TG: variants seen among roughly 807,000 people sequenced by gnomAD.
TG encodes thyroglobulin.
TG carries 270 observed loss-of-function variants against 324.7 expected under a neutral mutation model. The observed-to-expected ratio is 0.83, with a 90% confidence interval of 0.75 to 0.92. TG has a LOEUF of 0.92. Ranked by LOEUF, TG falls within the 40% of genes least tolerant of loss-of-function variation. The probability of loss-of-function intolerance (pLI) is 0.00; values close to 1 mark genes in which losing one functional copy is unlikely to be tolerated. For synonymous variants in TG, 1,401 were observed against 1,327.0 expected (o/e 1.06, Z -1.21); for missense variants, 3,591 against 3,456.4 (o/e 1.04, Z -0.98).
intron 35 of TG, among the ~76,000 whole-genome samples, chr8:133,007,411 C>T (rs915575284): frequency 1.9e-4 from 28 of 151,188 alleles, no homozygotes; most frequent in South Asian, 2.1e-4. Context: ...TTTTTGTGCC[C>T]GTTAAAGTCT....
intron 43 of TG, among the ~76,000 whole-genome samples, chr8:133,105,945 AGAGGCTATAGGACAGTTG>A (rs1849764976): frequency 6.6e-6 from 1 of 152,132 alleles, no homozygotes; most frequent in African/African-American, 2.4e-5. Flanking sequence ...CATATGGTAA[AGAGGCTATAGGACAGTTG>A]GAGCCCACCA....
intron 32 of TG, among the ~76,000 whole-genome samples, chr8:132,969,808 G>A (rs1299514450): frequency 1.3e-5 from 2 of 150,924 alleles, no homozygotes; most frequent in African/African-American, 2.4e-5. Flanking sequence ...CAGTTACTCA[G>A]GAGGCTGAGG....
At chr8:133,075,454 GA>G (rs1844722311) in intron 41 of TG, among the ~76,000 whole-genome samples, 2 of 152,034 alleles carry the variant, frequency 1.3e-5, no homozygotes, top group South Asian at 4.1e-4. Context: ...TGCGTCAAGG[GA>G]AAAAAACTAG....
chr8:132,989,116 G>A (rs1831986842), intron 35 of TG, among the ~76,000 whole-genome samples: 1 of 152,160 alleles, frequency 6.6e-6, no homozygotes, highest in Non-Finnish European at 1.5e-5. Context: ...GCCGTCAGAT[G>A]TCCTGAGACT....
chr8:133,009,310 A>G (rs909284724), intron 35 of TG, among the ~76,000 whole-genome samples: 1 of 152,120 alleles, frequency 6.6e-6, no homozygotes, highest in Non-Finnish European at 1.5e-5. Context: ...TGACCATGAA[A>G]ATAGCAACAT....
chr8:132,948,505 T>A (rs548479687), intron 26 of TG, among the ~76,000 whole-genome samples: 1 of 152,238 alleles, frequency 6.6e-6, no homozygotes, highest in East Asian at 1.9e-4. Flanking sequence ...GTCAGTGCTA[T>A]GGATGCCATG....
chr8:132,918,406 T>C (rs952329642), intron 20 of TG, among the ~76,000 whole-genome samples: 18 of 152,194 alleles, frequency 1.2e-4, no homozygotes, highest in Non-Finnish European at 4.4e-5. Context: ...ACTTGACTCA[T>C]AGAAGTAATG....
intron 44 of TG, 91 bp from the exon 45 acceptor site, chr8:133,116,517 AG>A (rs965671968): frequency 1.1e-4 from 135 of 1,201,054 alleles, no homozygotes; most frequent in Non-Finnish European, 1.6e-4. Context: ...TTGGGGGCCC[AG>A]GGGGCCCCTT....
Position 133,110,295 on chromosome 8 carries a change from G to A in TG, c.7573-3127G>A, listed in dbSNP as rs563427577. 5.9e-5 allele frequency among the ~76,000 whole-genome samples: 9 copies of A among 152,230 alleles called. No homozygotes were observed. In the South Asian group the frequency reaches 1.0e-3, roughly 18 times the overall value. ...CATCTGTGAGCAGTACTTGGCCCTC[G>A]AATTTGGCACCTTCTGCCTTCCCCA... On this transcript the variant is annotated intron_variant, in intron 43 of 47. Coordinates refer to ENST00000220616, the MANE Select transcript of TG (RefSeq NM_003235.5).
chr8:133,117,345 C>T (rs975672653), intron 45 of TG, among the ~76,000 whole-genome samples: 18 of 152,124 alleles, frequency 1.2e-4, no homozygotes, highest in South Asian at 6.2e-4. Flanking sequence ...AATAGCTGAA[C>T]AAAGGAAGCA....
intron 38 of TG, 96 bp downstream of exon 38, chr8:133,018,093 T>C (rs1424085527): frequency 8.2e-7 from 1 of 1,218,604 alleles, no homozygotes; most frequent in South Asian, 1.3e-5. Context: ...GCAGTGCATT[T>C]TGGATAAAGC....
intron 20 of TG, among the ~76,000 whole-genome samples, chr8:132,914,403 A>G (rs922660350): frequency 6.6e-6 from 1 of 152,210 alleles, no homozygotes; most frequent in African/African-American, 2.4e-5. Context: ...TAAAAGCCAA[A>G]TGGCCTTTCC....
intron 41 of TG, among the ~76,000 whole-genome samples, chr8:133,078,120 G>A (rs1199749029): frequency 6.6e-6 from 1 of 152,194 alleles, no homozygotes; most frequent in Non-Finnish European, 1.5e-5. Context: ...CTGCTGTGTA[G>A]CAAGGCTCCT....
At position 132,900,448 on chromosome 8, in the gene TG, G is replaced by A. The variant is rs1391425349; in HGVS notation, c.3433+109G>A. On this transcript the variant is annotated intron_variant, in intron 15 of 47. Coordinates refer to ENST00000220616, the MANE Select transcript of TG (RefSeq NM_003235.5). ...CCAGCTCTACTGCTTCCATAGCTGT[G>A]GGGGCACAGCTGCTGACCTCACTAT... 8 of 1,033,968 alleles carry A rather than the reference G, an allele frequency of 7.7e-6. No individual in the cohort carries two copies. In the African/African-American group the frequency reaches 9.5e-5, roughly 12 times the overall value. The allele number at this position is 1,033,968 out of a possible 1,614,324, so 64.0% of individuals were successfully genotyped here. A position where few individuals can be genotyped will look rare whatever the true frequency, so the allele number is the denominator to read the frequency against.
chr8:132,883,797 A>T (rs531584938), intron 8 of TG, among the ~76,000 whole-genome samples: 3 of 152,258 alleles, frequency 2.0e-5, no homozygotes, highest in Admixed American at 6.5e-5. Context: ...TCCAGAGCTG[A>T]TGGAGTCTGT....
At chr8:132,985,981 T>C (rs1170681818) in intron 35 of TG, among the ~76,000 whole-genome samples, 1 of 152,174 alleles carries the variant, frequency 6.6e-6, no homozygotes, top group African/African-American at 2.4e-5. Context: ...AAGGGCAGTA[T>C]TTAATTCAAA....
intron 18 of TG, among the ~76,000 whole-genome samples, chr8:132,909,677 T>C (rs1819226786): frequency 6.6e-6 from 1 of 152,228 alleles, no homozygotes; most frequent in African/African-American, 2.4e-5. Context: ...CTCCTACCAG[T>C]GTGACCTGGG....
intron 27 of TG, among the ~76,000 whole-genome samples, chr8:132,954,666 C>G (rs1006912005): frequency 2.6e-5 from 4 of 152,300 alleles, no homozygotes; most frequent in African/African-American, 9.6e-5. Context: ...TTCGGCAGCT[C>G]CCTCAGAGCC....
intron 8 of TG, among the ~76,000 whole-genome samples, chr8:132,884,114 T>C (rs1403181914): frequency 2.0e-5 from 3 of 152,214 alleles, no homozygotes. Context: ...AGACCAGTCA[T>C]GTTGGGTTAA....
Sources: gnomAD v4.1 joint callset for allele counts (sites outside exome capture counted in the v4.1 genomes callset) on GRCh38, gnomAD v4.1.1 for gene constraint, MANE v1.5 for transcripts, NCBI Gene and HGNC (gene_info 2026-07-23, HGNC 2026-07-21) for gene names.